Variants in SLC22A3 observed in about 807,000 individuals in gnomAD.
The protein encoded by SLC22A3 is EMT organic cation transporter 3.
Under a neutral mutation model 59.1 loss-of-function variants are expected in SLC22A3, and 51 were observed. The observed-to-expected ratio is 0.86, with a 90% CI of 0.69 to 1.09. The LOEUF is 1.09. Ranked by LOEUF, SLC22A3 falls within the 50% of genes least tolerant of loss-of-function variation. The pLI, the probability that SLC22A3 is intolerant of heterozygous loss-of-function variation, is 0.00. For missense variants in SLC22A3, 711 were observed against 726.3 expected (o/e 0.98, Z 0.24); for synonymous variants, 325 against 292.0 (o/e 1.11, Z -1.15).
At chr6:160,450,427 G>A (rs1438663504) in intron 10 of SLC22A3, among the ~76,000 whole-genome samples, 1 of 152,010 alleles carries the variant, frequency 6.6e-6, no homozygotes. Context: ...CCTGAAAATC[G>A]CTGTTACTCT....
At chr6:160,423,879 G>C (rs2114888772) in intron 5 of SLC22A3, among the ~76,000 whole-genome samples, 1 of 152,288 alleles carries the variant, frequency 6.6e-6, no homozygotes, top group African/African-American at 2.4e-5. Flanking sequence ...TGGTGTTTTA[G>C]ACATGAAGTC....
At chr6:160,417,291 A>T (rs574701621) in intron 5 of SLC22A3, among the ~76,000 whole-genome samples, 54 of 152,186 alleles carry the variant, frequency 3.5e-4, no homozygotes, top group Non-Finnish European at 3.7e-4. Context: ...ATCCCAAATC[A>T]GTGCTGTTCC....
At chr6:160,418,183 T>C (rs1348779214) in intron 5 of SLC22A3, among the ~76,000 whole-genome samples, 1 of 152,140 alleles carries the variant, frequency 6.6e-6, no homozygotes, top group Non-Finnish European at 1.5e-5. Flanking sequence ...CACCATCCAG[T>C]TGGCTGCCAG....
chr6:160,395,023 T>C (rs931919142), intron 1 of SLC22A3, among the ~76,000 whole-genome samples: 3 of 152,214 alleles, frequency 2.0e-5, no homozygotes, highest in Non-Finnish European at 4.4e-5. Flanking sequence ...ATCTGAGAAA[T>C]GTAGTCCCCT....
chr6:160,424,867 A>C (rs1292917979), intron 5 of SLC22A3, among the ~76,000 whole-genome samples: 1 of 152,248 alleles, frequency 6.6e-6, no homozygotes, highest in East Asian at 1.9e-4. Context: ...CACAGAGTGA[A>C]ATAGAGATTG....
At chr6:160,384,711 CT>C (rs1366862801) in intron 1 of SLC22A3, among the ~76,000 whole-genome samples, 6 of 152,154 alleles carry the variant, frequency 3.9e-5, no homozygotes, top group African/African-American at 1.4e-4. Flanking sequence ...CCATGACCTG[CT>C]GCTCGACTCC....
chr6:160,367,209 G>T (rs1195087876), intron 1 of SLC22A3, among the ~76,000 whole-genome samples: 1 of 152,128 alleles, frequency 6.6e-6, no homozygotes, highest in Non-Finnish European at 1.5e-5. Context: ...TGGTAGAAGG[G>T]GAAGTAAACA....
chr6:160,408,648 C>G (rs1248897881), intron 3 of SLC22A3, 105 bp from the exon 4 acceptor site: 3 of 1,101,838 alleles, frequency 2.7e-6, no homozygotes, highest in African/African-American at 3.1e-5. Context: ...CTAGCGTGTT[C>G]TAGCAATGCT....
chr6:160,394,207 G>A (rs1027393585), intron 1 of SLC22A3, among the ~76,000 whole-genome samples: 4 of 152,206 alleles, frequency 2.6e-5, no homozygotes, highest in East Asian at 1.9e-4. Context: ...ATAAATGTGC[G>A]TCATTGATTC....
intron 1 of SLC22A3, among the ~76,000 whole-genome samples, chr6:160,363,080 G>T (rs1378630988): frequency 6.6e-6 from 1 of 152,224 alleles, no homozygotes; most frequent in Non-Finnish European, 1.5e-5. Context: ...GGGGCATCGC[G>T]CCCCAATGCG....
intron 10 of SLC22A3, 147 bp from the exon 11 acceptor site, chr6:160,450,849 C>A: frequency 1.3e-6 from 1 of 777,796 alleles, no homozygotes; most frequent in Non-Finnish European, 2.1e-6. Flanking sequence ...AAAAATGATC[C>A]TGGAGACAGA....
rs2114922744 is a variant in SLC22A3, at chr6:160,348,562, A to G, written c.143A>G (p.His48Arg). 6.5e-7 allele frequency: 1 copy of G among 1,545,536 alleles called. No homozygotes were observed. Among genetic ancestry groups the G allele is most frequent in the Non-Finnish European group, 8.7e-7 (1 of 1,155,826 alleles). ...GTCTTCCTGGGCACGCAGCCCGACC[A>G]CTACTGGTGCCGCGGGCCAAGTGCC... ...GVVFLGTQPDHYWCRGPSAAA... is the reference protein window; with the variant it reads ...GVVFLGTQPDRYWCRGPSAAA... Residue 48 changes from histidine to arginine, a missense_variant, in exon 1 of 11, where the codon CAC (histidine) becomes CGC (arginine). His to Arg is a conservative substitution (Grantham distance 29). Transcript: ENST00000275300.
intron 1 of SLC22A3, among the ~76,000 whole-genome samples, chr6:160,365,817 G>A (rs890222760): frequency 4.6e-5 from 7 of 152,220 alleles, no homozygotes; most frequent in Admixed American, 3.3e-4. Flanking sequence ...TGTTTGGGGA[G>A]GCCTCAGGAA....
intron 1 of SLC22A3, among the ~76,000 whole-genome samples, chr6:160,386,509 A>G (rs1204232547): frequency 6.6e-6 from 1 of 152,256 alleles, no homozygotes; most frequent in Non-Finnish European, 1.5e-5. Flanking sequence ...TGGATTTCTC[A>G]GAAAACACAT....
Position 160,355,549 on chromosome 6 carries a change from C to A in SLC22A3, c.429+6701C>A, listed in dbSNP as rs923785575. On this transcript the variant is annotated intron_variant, in intron 1 of 10. Transcript: ENST00000275300. ...GGCCAAGGTGGGCAGATCACGAGGTCAGGAGATCGAGACCATCCTGGCTAA... is the reference window on the plus strand; with the variant it reads ...GGCCAAGGTGGGCAGATCACGAGGTAAGGAGATCGAGACCATCCTGGCTAA... 5.3e-5 allele frequency among the ~76,000 whole-genome samples: 8 copies of A among 151,552 alleles called. No homozygotes were observed. In the South Asian group the frequency reaches 1.7e-3, roughly 32 times the overall value.
chr6:160,406,850 TCTGTA>T (rs1488895466), intron 2 of SLC22A3, among the ~76,000 whole-genome samples, 186 bp from the exon 3 acceptor site: 1 of 152,180 alleles, frequency 6.6e-6, no homozygotes, highest in Non-Finnish European at 1.5e-5. Context: ...AAGGATGCAT[TCTGTA>T]CTTTAAATTT....
intron 10 of SLC22A3, among the ~76,000 whole-genome samples, chr6:160,449,439 A>C (rs73782588): frequency 6.6e-6 from 1 of 152,322 alleles, no homozygotes; most frequent in African/African-American, 2.4e-5. Flanking sequence ...TACATGAAAA[A>C]AAATATAGTA....
chr6:160,352,914 G>C (rs539995109), intron 1 of SLC22A3, among the ~76,000 whole-genome samples: 2 of 152,106 alleles, frequency 1.3e-5, no homozygotes, highest in African/African-American at 2.4e-5. Context: ...CTTGCCCCCC[G>C]GGTTCAAGCA....
intron 5 of SLC22A3, among the ~76,000 whole-genome samples, chr6:160,424,700 GA>G (rs1211873454): frequency 6.6e-6 from 1 of 152,198 alleles, no homozygotes; most frequent in African/African-American, 2.4e-5. Flanking sequence ...AGGTGAATAG[GA>G]TGGGTTGAGT....
Sources: allele counts gnomAD v4.1 joint callset (sites outside exome capture counted in the v4.1 genomes callset), GRCh38; gene constraint gnomAD v4.1.1; transcripts MANE v1.5; gene names NCBI Gene and HGNC (gene_info 2026-07-23, HGNC 2026-07-21).